The following RPL6 variants were observed in gnomAD, a reference collection of about 807,000 sequenced individuals.
The protein encoded by RPL6 is large ribosomal subunit protein eL6.
Under a neutral mutation model 32.1 loss-of-function variants are expected in RPL6, and 1 was observed. The observed-to-expected ratio is 0.03, with a 90% CI of 0.01 to 0.15. RPL6 has a LOEUF of 0.15. Among genes scored for constraint, RPL6 ranks in the 10% least tolerant of loss-of-function variants. The probability of loss-of-function intolerance (pLI) is 1.00; values close to 1 mark genes in which losing one functional copy is unlikely to be tolerated. For synonymous variants in RPL6, 126 were observed against 131.6 expected (o/e 0.96, Z 0.29); for missense variants, 275 against 354.6 (o/e 0.78, Z 1.80).
At chr12:112,406,931 T>C (rs752604677) in intron 3 of RPL6, 41 bp from the exon 4 acceptor site, 14 of 1,607,016 alleles carry the variant, frequency 8.7e-6, no homozygotes, top group South Asian at 1.1e-5. Flanking sequence ...AAATAAGCCA[T>C]TCAGATTACT....
intron 6 of RPL6, 160 bp downstream of exon 6, chr12:112,405,692 CA>C (rs1236096493): frequency 1.0e-5 from 7 of 686,002 alleles, no homozygotes; most frequent in African/African-American, 1.8e-5. Flanking sequence ...CCCAGACTGC[CA>C]AAAGAACTAC....
intron 3 of RPL6, 77 bp from the exon 4 acceptor site, chr12:112,406,967 T>C: frequency 6.9e-7 from 1 of 1,451,714 alleles, no homozygotes; most frequent in African/African-American, 1.4e-5. Flanking sequence ...CAGCCAAACT[T>C]TTGCTACAGC....
chr12:112,414,006 G>A (rs1023215709), upstream of RPL6, among the ~76,000 whole-genome samples: 3 of 152,222 alleles, frequency 2.0e-5, no homozygotes, highest in Admixed American at 2.0e-4. Context: ...GCAGCCCCAG[G>A]AGCATAGGAA....
intron 1 of RPL6, among the ~76,000 whole-genome samples, chr12:112,416,264 C>T (rs1176178447): frequency 3.3e-5 from 5 of 151,266 alleles, no homozygotes; most frequent in South Asian, 2.1e-4. Context: ...CTCAGCCTCC[C>T]GAGCAGCTGG....
At chr12:112,414,436 GAA>G (rs2037377586), upstream of RPL6, among the ~76,000 whole-genome samples, 1 of 152,194 alleles carries the variant, frequency 6.6e-6, no homozygotes, top group South Asian at 2.1e-4. Flanking sequence ...GTTTACTTTG[GAA>G]AAGAGACAAA....
chr12:112,417,148 G>A (rs1366404384), intron 1 of RPL6, among the ~76,000 whole-genome samples: 1 of 152,088 alleles, frequency 6.6e-6, no homozygotes. Context: ...ACCTCTGCCT[G>A]TCCGGTTCAA....
chr12:112,414,704 C>T (rs1278900364), upstream of RPL6, among the ~76,000 whole-genome samples: 2 of 152,036 alleles, frequency 1.3e-5, no homozygotes, highest in African/African-American at 2.4e-5. Flanking sequence ...GAGATCAAGA[C>T]CATCCTGGCT....
upstream of RPL6, chr12:112,410,406 C>G (rs1566146067): frequency 4.5e-6 from 1 of 220,552 alleles, no homozygotes; most frequent in Non-Finnish European, 9.5e-6. Context: ...GAGACTCTGT[C>G]TTAAAAAAAG....
intron 4 of RPL6, 162 bp downstream of exon 4, chr12:112,406,585 A>G (rs2037175269): frequency 2.0e-6 from 2 of 1,004,158 alleles, no homozygotes; most frequent in South Asian, 1.7e-5. Context: ...ATCACCATGG[A>G]TTACACTTCT....
Position 112,408,570 on chromosome 12 carries a change from C to T in RPL6, c.87G>A (p.Lys29=). 6.2e-7 allele frequency: 1 copy of T among 1,604,218 alleles called. No homozygotes were observed. The highest frequency in any genetic ancestry group is 8.5e-7 in the Non-Finnish European group (1 of 1,179,118). The change falls in exon 2 of 7, where the codon AAG becomes AAA. Residue 29 remains lysine, a synonymous_variant. Transcript: ENST00000202773. ...KKVDAGGKVK[K]GNLKAKKPKK... is the part of the protein sequence containing the mutation. Reference sequence around the variant, plus strand: ...TGGGCTTTTTAGCTTTGAGGTTACCCTTTTTCACCTTGCCACCAGCATCAA... The same window carrying T: ...TGGGCTTTTTAGCTTTGAGGTTACCTTTTTTCACCTTGCCACCAGCATCAA...
At chr12:112,409,392 C>T in intron 1 of RPL6, 195 bp downstream of exon 1, 1 of 398,300 alleles carries the variant, frequency 2.5e-6, no homozygotes, top group Non-Finnish European at 4.4e-6. Context: ...GAGGGAGCCA[C>T]TACGGCATTC....
At chr12:112,412,754 T>C (rs763304484), upstream of RPL6, among the ~76,000 whole-genome samples, 35 of 152,172 alleles carry the variant, frequency 2.3e-4, no homozygotes, top group Non-Finnish European at 5.0e-4. Context: ...TGAAACCCCA[T>C]CTCTGCTAAA....
chr12:112,417,818 C>T (rs996517673), intron 1 of RPL6, among the ~76,000 whole-genome samples: 3 of 146,068 alleles, frequency 2.1e-5, no homozygotes, highest in Non-Finnish European at 3.0e-5. Flanking sequence ...CCACCACGCC[C>T]GGCTAATTTT....
intron 1 of RPL6, among the ~76,000 whole-genome samples, chr12:112,417,122 G>A (rs1312498780): frequency 6.6e-6 from 1 of 152,138 alleles, no homozygotes; most frequent in Non-Finnish European, 1.5e-5. Context: ...CAGTGGTGCA[G>A]TCTGGGCTCA....
rs1278348428 is a variant in RPL6, at chr12:112,408,481, C to T, written c.176G>A (p.Arg59Gln). ...GGCCTTTCTGGAATACATGGCAGAT[C>T]GGGAATACCTGCCAATTCCTCTGAC... ...VLVRGIGRYS[R>Q]SAMYSRKAMY... The change falls in exon 2 of 7, where the codon CGA (arginine) becomes CAA (glutamine). Residue 59 changes from arginine to glutamine, a missense_variant. Transcript: ENST00000202773. 2 of 1,614,068 alleles carry T rather than the reference C, an allele frequency of 1.2e-6. No individual in the cohort carries two copies. Among genetic ancestry groups the T allele is most frequent in the Non-Finnish European group, 1.7e-6 (2 of 1,180,014 alleles).
At chr12:112,415,873 C>CTT (rs760182449) in intron 1 of RPL6, among the ~76,000 whole-genome samples, 31 of 126,904 alleles carry the variant, frequency 2.4e-4, no homozygotes, top group Admixed American at 1.7e-3. Flanking sequence ...GGGGATAAAC[C>CTT]TTTTTTTTTT....
At chr12:112,406,376 C>A in intron 4 of RPL6, 34 bp from the exon 5 acceptor site, 1 of 1,559,826 alleles carries the variant, frequency 6.4e-7, no homozygotes, top group Non-Finnish European at 8.8e-7. Flanking sequence ...TAGTTTTCTG[C>A]AATTAAAAAC....
At position 112,415,956 on chromosome 12, in the gene RPL6, GTTT is replaced by G. The variant is rs772887157; in HGVS notation, c.-229+2769_-229+2771del. On this transcript the variant is annotated intron_variant, in intron 1 of 5. Coordinates refer to the RPL6 transcript ENST00000551291. ...AATGTAGGGAGTGACTAGTTTTGCA[GTTT>G]TTTTTTTTTTTTTTTTTGAGATGGA... 6.0e-5 allele frequency among the ~76,000 whole-genome samples: 7 copies of G among 117,038 alleles called. 1 individual carries two copies. The Admixed American group carries it at 6.2e-4, about 10-fold the overall frequency. 76.8% of individuals were successfully genotyped at this position (117,038 alleles called of 152,430 possible).
chr12:112,405,433 G>C, intron 6 of RPL6, 57 bp from the exon 7 acceptor site: 2 of 1,540,824 alleles, frequency 1.3e-6, no homozygotes, highest in Non-Finnish European at 1.8e-6. Context: ...TTACTTGTAG[G>C]TCAACTAAGG....
Sources: allele counts gnomAD v4.1 joint callset (sites outside exome capture counted in the v4.1 genomes callset), GRCh38; gene constraint gnomAD v4.1.1; transcripts MANE v1.5; gene names NCBI Gene and HGNC (gene_info 2026-07-23, HGNC 2026-07-21).